The following ARHGEF26 variants were observed in gnomAD, a reference collection of about 807,000 sequenced individuals.
ARHGEF26 encodes the protein Rho guanine nucleotide exchange factor (GEF) 26.
A neutral mutation model predicts 89.4 loss-of-function variants in ARHGEF26; 59 were observed. That is an observed-to-expected ratio of 0.66 (90% CI 0.54 to 0.82). The LOEUF (loss-of-function observed/expected upper bound fraction) is 0.82, where lower values mean the gene tolerates loss of function less well. ARHGEF26 is among the 40% of genes least tolerant of loss of function. The probability of loss-of-function intolerance (pLI) is 0.00; values close to 1 mark genes in which losing one functional copy is unlikely to be tolerated. For missense variants in ARHGEF26, 1,234 were observed against 1,085.6 expected (o/e 1.14, Z -1.92); for synonymous variants, 500 against 428.4 (o/e 1.17, Z -2.06).
intron 9 of ARHGEF26, among the ~76,000 whole-genome samples, chr3:154,217,026 T>TTA (rs1715804577): frequency 6.8e-6 from 1 of 146,188 alleles, no homozygotes. Flanking sequence ...GCAGCATGAT[T>TTA]TATAGTCCTT....
chr3:154,159,513 A>C (rs1310518518), intron 6 of ARHGEF26, among the ~76,000 whole-genome samples: 1 of 152,098 alleles, frequency 6.6e-6, no homozygotes, highest in Non-Finnish European at 1.5e-5. Context: ...GTAAACATAC[A>C]AAATAGTACT....
chr3:154,182,073 TA>T (rs1307573667), intron 6 of ARHGEF26, among the ~76,000 whole-genome samples: 2 of 151,682 alleles, frequency 1.3e-5, no homozygotes, highest in Non-Finnish European at 2.9e-5. Context: ...ACAATATATA[TA>T]TACACACACA....
intron 6 of ARHGEF26, among the ~76,000 whole-genome samples, chr3:154,177,502 G>A (rs192085551): frequency 3.7e-3 from 566 of 152,238 alleles, no homozygotes; most frequent in Middle Eastern, 6.8e-3. Flanking sequence ...TAATTCCCTG[G>A]TGTGACTGGG....
At chr3:154,184,189 G>T (rs1283977418) in intron 6 of ARHGEF26, among the ~76,000 whole-genome samples, 2 of 152,068 alleles carry the variant, frequency 1.3e-5, no homozygotes, top group Non-Finnish European at 1.5e-5. Flanking sequence ...AGCCAGGATG[G>T]TCTCGATCTC....
chr3:154,204,732 T>C (rs1714905524), intron 9 of ARHGEF26, among the ~76,000 whole-genome samples: 1 of 152,218 alleles, frequency 6.6e-6, no homozygotes, highest in East Asian at 1.9e-4. Flanking sequence ...TCCATTATCA[T>C]TTGTTTCAAG....
At position 154,240,482 on chromosome 3, in the gene ARHGEF26, T is replaced by C. The variant is rs1412863370; in HGVS notation, c.2203T>C (p.Tyr735His). Residue 735 changes from tyrosine to histidine, a missense_variant, in exon 12 of 15, where the codon TAT becomes CAT. By Grantham distance (83) the Tyr-to-His change is moderately conservative. Transcript: ENST00000465093. ...SPGKNSSTML[Y>H]SRQSSASHLF... ...AGGGAAGAACAGCTCCACAATGCTC[T>C]ATTCAAGACAGAGCTCTGCCAGTCA... The C allele has an allele frequency of 6.2e-7, 1 of 1,613,480 alleles. No homozygotes were observed. Among genetic ancestry groups the C allele is most frequent in the Non-Finnish European group, 8.5e-7 (1 of 1,179,612 alleles).
chr3:154,239,411 C>T (rs1037643022), intron 11 of ARHGEF26, among the ~76,000 whole-genome samples: 7 of 149,974 alleles, frequency 4.7e-5, no homozygotes, highest in African/African-American at 1.7e-4. Context: ...CGGAAACGAT[C>T]CAGGGGTCTA....
intron 3 of ARHGEF26, among the ~76,000 whole-genome samples, chr3:154,126,691 G>T (rs1322771597): frequency 6.6e-6 from 1 of 152,156 alleles, no homozygotes; most frequent in Non-Finnish European, 1.5e-5. Context: ...GATTTGGACT[G>T]TCTGGCTCAT....
Position 154,122,082 on chromosome 3 carries a change from G to C in ARHGEF26, c.90G>C (p.Leu30=). 2 of 1,612,146 alleles carry C rather than the reference G, an allele frequency of 1.2e-6. No individual in the cohort carries two copies. Among genetic ancestry groups the C allele is most frequent in the South Asian group, 2.2e-5 (2 of 90,762 alleles). The change falls in exon 2 of 15, where the codon CTG becomes CTC. Residue 30 remains leucine (L), a synonymous_variant. Transcript: ENST00000465093. ...CGATTCCTCAGCCCCACCAGGTTCT[G>C]GGCCGGAGCAAGCCGAGGCCCCAGT... ...RRSIPQPHQV[L]GRSKPRPQSY...
rs775941680 is a variant in ARHGEF26, at chr3:154,187,729, T to G, written c.1532T>G (p.Ile511Arg). Residue 511 changes from isoleucine to arginine, a missense_variant, in exon 7 of 15, where the codon ATA becomes AGA. Coordinates refer to ENST00000465093, the MANE Select transcript of ARHGEF26 (RefSeq NM_015595.4). The stretch of plus-strand genomic sequence containing the variant: ...GCAAGACATCAGAATAATATCTTCA[T>G]AGATGACATAAGTGACATTGTGGAA... ...LEARHQNNIF[I>R]DDISDIVEKH... 1 of 1,611,444 alleles carries G rather than the reference T, an allele frequency of 6.2e-7. No individual in the cohort carries two copies.
intron 9 of ARHGEF26, among the ~76,000 whole-genome samples, chr3:154,213,241 G>GTGTGTATA (rs1553747909): frequency 9.6e-5 from 14 of 145,560 alleles, no homozygotes; most frequent in Admixed American, 2.8e-4. Context: ...GTGTGTGTGT[G>GTGTGTATA]TATATATATA....
chr3:154,124,503 T>C (rs1330145582), intron 3 of ARHGEF26, 54 bp downstream of exon 3: 6 of 1,465,288 alleles, frequency 4.1e-6, no homozygotes, highest in Non-Finnish European at 5.5e-6. Context: ...GAATACCAAT[T>C]ATAAGTTGAA....
intron 5 of ARHGEF26, among the ~76,000 whole-genome samples, chr3:154,149,920 T>C (rs1480922072): frequency 6.8e-6 from 1 of 146,350 alleles, no homozygotes; most frequent in Non-Finnish European, 1.5e-5. Flanking sequence ...AAAAAGTTTA[T>C]TTAGTAAAAA....
intron 12 of ARHGEF26, among the ~76,000 whole-genome samples, chr3:154,249,325 C>T (rs1717981703): frequency 6.6e-6 from 1 of 152,126 alleles, no homozygotes; most frequent in Non-Finnish European, 1.5e-5. Context: ...TATCTTTGAC[C>T]TTCATGCAAT....
chr3:154,129,898 C>T (rs1461200124), intron 4 of ARHGEF26, among the ~76,000 whole-genome samples, 179 bp downstream of exon 4: 3 of 152,172 alleles, frequency 2.0e-5, no homozygotes, highest in African/African-American at 7.2e-5. Flanking sequence ...TGAACTTTGA[C>T]ACTTCTGATC....
intron 9 of ARHGEF26, among the ~76,000 whole-genome samples, chr3:154,214,249 G>A (rs1715583763): frequency 6.6e-6 from 1 of 152,138 alleles, no homozygotes; most frequent in East Asian, 1.9e-4. Context: ...TAGTGGAGTT[G>A]TTTCATGATC....
chr3:154,168,845 G>T (rs1712220204), intron 6 of ARHGEF26, among the ~76,000 whole-genome samples: 2 of 151,620 alleles, frequency 1.3e-5, no homozygotes, highest in African/African-American at 4.9e-5. Context: ...TCTCAAGAAA[G>T]TTTAAATTTA....
At chr3:154,217,484 T>C (rs1715839071) in intron 9 of ARHGEF26, among the ~76,000 whole-genome samples, 1 of 152,138 alleles carries the variant, frequency 6.6e-6, no homozygotes, top group South Asian at 2.1e-4. Context: ...ATTTTGTAGG[T>C]TGCCTGTTCA....
intron 10 of ARHGEF26, among the ~76,000 whole-genome samples, chr3:154,219,722 G>A (rs1715999885): frequency 6.6e-6 from 1 of 151,650 alleles, no homozygotes; most frequent in Admixed American, 6.6e-5. Flanking sequence ...GACCATCCTG[G>A]CTAACACAGT....
Sources: allele counts gnomAD v4.1 joint callset (sites outside exome capture counted in the v4.1 genomes callset), GRCh38; gene constraint gnomAD v4.1.1; transcripts MANE v1.5; gene names NCBI Gene and HGNC (gene_info 2026-07-23, HGNC 2026-07-21).